Variants in LRP1B observed in about 807,000 individuals in gnomAD.
LRP1B encodes LDL receptor related protein 1B.
LRP1B carries 217 observed loss-of-function variants against 556.6 expected under a neutral mutation model. The ratio of observed to expected loss-of-function variants is 0.39; its 90% CI spans 0.35 to 0.44. The LOEUF (loss-of-function observed/expected upper bound fraction) is 0.44. LRP1B is among the 20% of genes least tolerant of loss of function. The pLI, the probability that LRP1B is intolerant of heterozygous loss-of-function variation, is 1.00. For synonymous variants in LRP1B, 2,047 were observed against 1,865.8 expected (o/e 1.10, Z -2.50); for missense variants, 5,053 against 5,620.8 (o/e 0.90, Z 3.23).
chr2:140,839,935 T>C (rs943285179), intron 31 of LRP1B, 56 bp downstream of exon 31: 2 of 1,032,784 alleles, frequency 1.9e-6, no homozygotes, highest in East Asian at 2.4e-5. Flanking sequence ...AGGTATATTG[T>C]ACAAGTACAG....
At chr2:140,628,295 C>T (rs1291954167) in intron 41 of LRP1B, among the ~76,000 whole-genome samples, 1 of 152,042 alleles carries the variant, frequency 6.6e-6, no homozygotes, top group Non-Finnish European at 1.5e-5. Context: ...CTTTGGGAGG[C>T]CGAGGCGGGA....
At chr2:141,034,206 C>T (rs1005784985) in intron 11 of LRP1B, among the ~76,000 whole-genome samples, 2 of 152,094 alleles carry the variant, frequency 1.3e-5, no homozygotes, top group African/African-American at 2.4e-5. Flanking sequence ...CAGTCTGGTT[C>T]AATCTGTATT....
At chr2:141,231,827 A>G (rs1446716522) in intron 5 of LRP1B, among the ~76,000 whole-genome samples, 1 of 152,202 alleles carries the variant, frequency 6.6e-6, no homozygotes, top group Non-Finnish European at 1.5e-5. Flanking sequence ...TTTTTTATAC[A>G]TAATAACAAC....
At chr2:141,132,336 T>A (rs943712581) in intron 7 of LRP1B, among the ~76,000 whole-genome samples, 17 of 152,084 alleles carry the variant, frequency 1.1e-4, no homozygotes, top group Non-Finnish European at 2.4e-4. Context: ...CTCAGGGGAA[T>A]GGATTAGTTC....
chr2:141,609,864 G>C (rs1021431858), intron 2 of LRP1B, among the ~76,000 whole-genome samples: 1 of 152,114 alleles, frequency 6.6e-6, no homozygotes, highest in Non-Finnish European at 1.5e-5. Context: ...ATGTTAGAAA[G>C]AGTATATGTT....
At chr2:141,349,722 C>G (rs981609648) in intron 3 of LRP1B, among the ~76,000 whole-genome samples, 2 of 152,068 alleles carry the variant, frequency 1.3e-5, no homozygotes, top group Non-Finnish European at 2.9e-5. Flanking sequence ...TATGCATACT[C>G]TATTCAAAAT....
intron 17 of LRP1B, among the ~76,000 whole-genome samples, chr2:140,987,946 T>C (rs1573955316): frequency 6.6e-6 from 1 of 152,194 alleles, no homozygotes; most frequent in East Asian, 1.9e-4. Flanking sequence ...ATCATGCCAC[T>C]GTACTCTAAC....
intron 35 of LRP1B, among the ~76,000 whole-genome samples, chr2:140,737,650 T>C (rs998684187): frequency 1.3e-5 from 2 of 152,296 alleles, no homozygotes; most frequent in South Asian, 2.1e-4. Context: ...ACCACCACTA[T>C]TCAACCCAGA....
intron 2 of LRP1B, among the ~76,000 whole-genome samples, chr2:141,621,699 T>C (rs1162168007): frequency 1.3e-5 from 2 of 152,238 alleles, no homozygotes; most frequent in African/African-American, 2.4e-5. Flanking sequence ...GAAAATGAAA[T>C]AGTCTCTCCC....
At chr2:140,646,383 T>C (rs977071512) in intron 41 of LRP1B, among the ~76,000 whole-genome samples, 6 of 152,206 alleles carry the variant, frequency 3.9e-5, no homozygotes, top group African/African-American at 1.4e-4. Flanking sequence ...GGTATGGTGG[T>C]ATGTAGATCA....
chr2:141,499,171 C>A (rs72851323), intron 2 of LRP1B, among the ~76,000 whole-genome samples: 1 of 152,012 alleles, frequency 6.6e-6, no homozygotes, highest in Non-Finnish European at 1.5e-5. Context: ...TTAACTAACT[C>A]AGTCTTCTGA....
intron 2 of LRP1B, among the ~76,000 whole-genome samples, chr2:141,483,647 T>C (rs1683007338): frequency 6.6e-6 from 1 of 151,932 alleles, no homozygotes. Flanking sequence ...TTTTCAATGA[T>C]TGCCATTCTA....
In LRP1B at chr2:140,770,921, T is replaced by C. The variant is rs755403001; in HGVS notation, c.5586A>G (p.Thr1862=). The change falls in exon 34 of 91, where the codon ACA becomes ACG. Residue 1862 remains threonine (T), a synonymous_variant. Coordinates refer to ENST00000389484, the MANE Select transcript of LRP1B (RefSeq NM_018557.3). ...GGTTCTTTTGGAGATAATATCCCAC[T>C]GTACACATACAAGTCCTTGTAGTTT... is the stretch of plus-strand genomic sequence containing the variant. ...TSETTRTCMC[T]VGYYLQKNRM... 3.8e-6 allele frequency: 6 copies of C among 1,579,198 alleles called. No individual in the cohort carries two copies. Among genetic ancestry groups the C allele is most frequent in the Admixed American group, 1.9e-5 (1 of 52,780 alleles).
At chr2:141,890,557 T>C (rs1276052804) in intron 1 of LRP1B, among the ~76,000 whole-genome samples, 2 of 151,850 alleles carry the variant, frequency 1.3e-5, no homozygotes, top group African/African-American at 4.8e-5. Context: ...AGCTATTTAT[T>C]GCATGAACCA....
At chr2:140,907,699 A>G (rs1038415534) in intron 22 of LRP1B, among the ~76,000 whole-genome samples, 178 bp downstream of exon 22, 4 of 152,148 alleles carry the variant, frequency 2.6e-5, no homozygotes, top group African/African-American at 9.7e-5. Context: ...TTCTGATCAC[A>G]TTGAAGACTT....
intron 2 of LRP1B, among the ~76,000 whole-genome samples, chr2:141,578,345 C>G (rs2105275032): frequency 6.8e-6 from 1 of 146,332 alleles, no homozygotes; most frequent in East Asian, 2.0e-4. Flanking sequence ...TGCAGTGAGC[C>G]AATATCGTGC....
Position 141,549,128 on chromosome 2 carries a change from T to C in LRP1B, c.206-68595A>G, listed in dbSNP as rs576661116. On this transcript the variant is annotated intron_variant, in intron 2 of 90. Coordinates refer to ENST00000389484, the MANE Select transcript of LRP1B (RefSeq NM_018557.3). ...ATTGAGAAGACATATAGTAATGTGGTTAAGAGCACAAATTTTGGAGTTAGA... is the reference window on the plus strand; with the variant it reads ...ATTGAGAAGACATATAGTAATGTGGCTAAGAGCACAAATTTTGGAGTTAGA... Among the ~76,000 whole-genome samples, 10 of 152,274 alleles carry C rather than the reference T, an allele frequency of 6.6e-5. 1 individual carries two copies. The South Asian group carries it at 1.4e-3, about 22-fold the overall frequency.
chr2:141,603,533 G>A (rs1687821843), intron 2 of LRP1B, among the ~76,000 whole-genome samples: 1 of 152,010 alleles, frequency 6.6e-6, no homozygotes, highest in African/African-American at 2.4e-5. Context: ...AAGTTATAGT[G>A]GGATCATTCA....
At chr2:140,862,173 G>GT (rs1360076455) in intron 27 of LRP1B, among the ~76,000 whole-genome samples, 6 of 152,056 alleles carry the variant, frequency 3.9e-5, no homozygotes, top group Non-Finnish European at 8.8e-5. Flanking sequence ...ACATTTCAAA[G>GT]TTTAATTTTT....
Sources: gnomAD v4.1 joint callset for allele counts (sites outside exome capture counted in the v4.1 genomes callset) on GRCh38, gnomAD v4.1.1 for gene constraint, MANE v1.5 for transcripts, NCBI Gene and HGNC (gene_info 2026-07-23, HGNC 2026-07-21) for gene names.